Variants in SLC9A4 observed in about 807,000 individuals in gnomAD.
SLC9A4 encodes sodium/hydrogen exchanger 4.
SLC9A4 carries 63 observed loss-of-function variants against 67.4 expected under a neutral mutation model. That is an observed-to-expected ratio of 0.93 (90% CI 0.76 to 1.15). The LOEUF (loss-of-function observed/expected upper bound fraction) is 1.15, where lower values mean the gene tolerates loss of function less well. Among genes scored for constraint, SLC9A4 ranks in the 50% most tolerant of loss-of-function variants. The pLI is 0.00. For missense variants in SLC9A4, 1,089 were observed against 987.7 expected, an observed-to-expected ratio of 1.10 and a Z score of -1.38; for synonymous variants, 393 against 367.2, an observed-to-expected ratio of 1.07 and a Z score of -0.80.
intron 1 of SLC9A4, among the ~76,000 whole-genome samples, chr2:102,475,604 T>A (rs1361598153): frequency 6.6e-6 from 1 of 152,238 alleles, no homozygotes; most frequent in African/African-American, 2.4e-5. Flanking sequence ...TTGGTTTAAA[T>A]GTTCTTGATT....
intron 9 of SLC9A4, among the ~76,000 whole-genome samples, chr2:102,520,183 G>A (rs909406297): frequency 2.0e-5 from 3 of 152,250 alleles, no homozygotes; most frequent in South Asian, 2.1e-4. Context: ...TCTAGTTACC[G>A]TCTCTAGGGG....
At chr2:102,525,721 G>A (rs1434279740) in intron 10 of SLC9A4, among the ~76,000 whole-genome samples, 2 of 152,038 alleles carry the variant, frequency 1.3e-5, no homozygotes, top group Non-Finnish European at 2.9e-5. Flanking sequence ...CCTCAGTGGG[G>A]ATACGAGAGT....
At chr2:102,486,440 GA>G (rs1416807443) in intron 2 of SLC9A4, among the ~76,000 whole-genome samples, 13 of 152,196 alleles carry the variant, frequency 8.5e-5, no homozygotes, top group Admixed American at 3.3e-4. Flanking sequence ...CTGTCTATCT[GA>G]ACGTTGCAGT....
chr2:102,532,485 A>C lies in SLC9A4; in HGVS notation c.2194A>C (p.Ser732Arg). Reference protein sequence around the residue: ...AFSFGYQRNTSQEEYLGGVRR... With the variant: ...AFSFGYQRNTRQEEYLGGVRR... ...CAGCTTTGGTTATCAAAGAAACACA[A>C]GCCAAGAAGAGTACTTGGGTGGAGT... Residue 732 changes from serine to arginine, a missense_variant, in exon 12 of 12, where the codon AGC (serine) becomes CGC (arginine). Coordinates refer to ENST00000295269, the MANE Select transcript of SLC9A4 (RefSeq NM_001011552.4). The C allele has an allele frequency of 1.2e-6, 2 of 1,614,200 alleles. No homozygotes were observed. Among genetic ancestry groups the C allele is most frequent in the South Asian group, 2.2e-5 (2 of 91,082 alleles).
chr2:102,489,306 G>A (rs1401193329), intron 2 of SLC9A4, among the ~76,000 whole-genome samples: 2 of 152,174 alleles, frequency 1.3e-5, no homozygotes, highest in Non-Finnish European at 2.9e-5. Context: ...GTTGGTGGAG[G>A]TGGATGATAG....
At chr2:102,505,001 T>TTACG (rs1558666662) in intron 3 of SLC9A4, among the ~76,000 whole-genome samples, 2 of 152,206 alleles carry the variant, frequency 1.3e-5, no homozygotes, top group African/African-American at 4.8e-5. Context: ...CCCATGCGAA[T>TTACG]TACGTGTCCT....
rs1210035846 is a variant in SLC9A4 at position 102,479,192 on chromosome 2, T to G, written c.610T>G (p.Ser204Ala). The G allele has an allele frequency of 1.2e-6, 2 of 1,614,054 alleles. No individual in the cohort carries two copies. The highest frequency in any genetic ancestry group is 2.7e-5 in the African/African-American group (2 of 74,940). The stretch of plus-strand genomic sequence containing the variant: ...GAACCTGCTGTTCGGCAGCCTGATC[T>G]CCGCCGTGGACCCAGTGGCCGTGCT... The part of the protein sequence containing the change: ...LQNLLFGSLI[S>A]AVDPVAVLAV... The change falls in exon 2 of 12, where the codon TCC becomes GCC. Residue 204 changes from serine to alanine, a missense_variant. Ser to Ala is a moderately conservative substitution (Grantham distance 99). Transcript: ENST00000295269.
intron 10 of SLC9A4, among the ~76,000 whole-genome samples, chr2:102,525,412 G>T (rs545442661): frequency 6.6e-5 from 10 of 151,706 alleles, no homozygotes; most frequent in Non-Finnish European, 1.5e-4. Flanking sequence ...CACACTTGGT[G>T]TGCTATGAGT....
At position 102,525,030 on chromosome 2, in the gene SLC9A4, T is replaced by C; in HGVS notation, c.1825T>C (p.Ser609Pro). Reference sequence around the variant, plus strand: ...CATTCCATTTTCTCTGCAGACCCTGTCCTACAACAAATACAACCTCAAACC... The same window carrying C: ...CATTCCATTTTCTCTGCAGACCCTGCCCTACAACAAATACAACCTCAAACC... ...NMYQVRQRTLSYNKYNLKPQT... is the reference protein window; with the variant it reads ...NMYQVRQRTLPYNKYNLKPQT... Residue 609 changes from serine (S) to proline (P), a missense_variant, in exon 10 of 12, where the codon TCC becomes CCC. Ser to Pro is a moderately conservative substitution (Grantham distance 74). Coordinates refer to ENST00000295269, the MANE Select transcript of SLC9A4 (RefSeq NM_001011552.4). 1 of 1,614,008 alleles carries C rather than the reference T, an allele frequency of 6.2e-7. No individual in the cohort carries two copies. Among genetic ancestry groups the C allele is most frequent in the Non-Finnish European group, 8.5e-7 (1 of 1,179,936 alleles).
chr2:102,531,630 A>T (rs1674780702), intron 11 of SLC9A4, among the ~76,000 whole-genome samples: 1 of 152,228 alleles, frequency 6.6e-6, no homozygotes, highest in South Asian at 2.1e-4. Flanking sequence ...TTTACCTGTG[A>T]GATTCATAAC....
rs1424356394 is a variant in SLC9A4 at position 102,483,835 on chromosome 2, T to TAC, written c.720+4534_720+4535insCA. On this transcript the variant is annotated intron_variant, in intron 2 of 11. Transcript: ENST00000295269. ...ATATATATATATATATATATATATATATATATACACACACACAATATACAC... is the reference window on the plus strand; with the variant it reads ...ATATATATATATATATATATATATATACATATATACACACACACAATATACAC... Among the ~76,000 whole-genome samples the TAC allele has an allele frequency of 8.7e-3, 661 of 75,666 alleles. 2 individuals carry two copies. Among genetic ancestry groups the TAC allele is most frequent in the African/African-American group, 0.013 (255 of 19,380 alleles). 49.6% of individuals were successfully genotyped at this position (75,666 alleles called of 152,430 possible).
At chr2:102,474,558 A>G (rs990211689) in intron 1 of SLC9A4, among the ~76,000 whole-genome samples, 3 of 152,178 alleles carry the variant, frequency 2.0e-5, no homozygotes, top group Non-Finnish European at 2.9e-5. Flanking sequence ...ATATAAGATT[A>G]TATCTGTCAG....
chr2:102,514,188 A>G lies in SLC9A4; in HGVS notation c.1658A>G (p.Lys553Arg), dbSNP rs1187335823. The G allele has an allele frequency of 1.2e-6, 2 of 1,614,134 alleles. No individual in the cohort carries two copies. Among genetic ancestry groups the G allele is most frequent in the Non-Finnish European group, 8.5e-7 (1 of 1,180,012 alleles). ...TCTTTGTACAAGAAGCTGGAAATGA[A>G]GCAAGCCATCGAGATGGTGGAGACT... ...IVSLYKKLEM[K>R]QAIEMVETGI... is the part of the protein sequence containing the mutation. The change falls in exon 8 of 12, where the codon AAG becomes AGG. Residue 553 changes from lysine to arginine, a missense_variant. Lys to Arg is a conservative substitution (Grantham distance 26). Transcript: ENST00000295269.
intron 2 of SLC9A4, among the ~76,000 whole-genome samples, chr2:102,481,249 T>C (rs992880443): frequency 6.6e-6 from 1 of 152,230 alleles, no homozygotes; most frequent in African/African-American, 2.4e-5. Context: ...CCAGAAAGCC[T>C]TTATCAGCTT....
At chr2:102,519,580 G>T (rs1262731938) in intron 8 of SLC9A4, among the ~76,000 whole-genome samples, 1 of 151,922 alleles carries the variant, frequency 6.6e-6, no homozygotes. Flanking sequence ...AGATTTGGAG[G>T]AAAAAAATAA....
chr2:102,483,715 C>G (rs1212437566), intron 2 of SLC9A4, among the ~76,000 whole-genome samples: 1 of 150,942 alleles, frequency 6.6e-6, no homozygotes, highest in African/African-American at 2.4e-5. Flanking sequence ...GTGTCCTCAC[C>G]CGCCACTATA....
intron 2 of SLC9A4, among the ~76,000 whole-genome samples, chr2:102,500,809 A>T (rs6728288): frequency 0.71 from 107,392 of 151,682 alleles, 38,729 homozygotes; most frequent in Middle Eastern, 0.77. Flanking sequence ...AACGTGAGGC[A>T]TTCTTTAGAA....
intron 4 of SLC9A4, among the ~76,000 whole-genome samples, chr2:102,507,857 C>A (rs1685080555): frequency 6.6e-6 from 1 of 152,120 alleles, no homozygotes; most frequent in Non-Finnish European, 1.5e-5. Flanking sequence ...ACAACACATG[C>A]CAATAAACTG....
rs1684985024 is a variant in SLC9A4, at chr2:102,503,456, C to T, written c.729C>T (p.Tyr243=). ...CTCTCTTTTTTGCCTAGGTCTTATA[C>T]AATATGTTAATTGCCTTTACAAAGA... ...LLNDGITVVL[Y]NMLIAFTKMH... The change falls in exon 3 of 12, where the codon TAC becomes TAT. Residue 243 remains tyrosine (Y), a synonymous_variant. Coordinates refer to ENST00000295269, the MANE Select transcript of SLC9A4 (RefSeq NM_001011552.4). 2.5e-6 allele frequency: 4 copies of T among 1,607,722 alleles called. No homozygotes were observed. The highest frequency in any genetic ancestry group is 3.4e-6 in the Non-Finnish European group (4 of 1,175,684).
Sources: allele counts gnomAD v4.1 joint callset (sites outside exome capture counted in the v4.1 genomes callset), GRCh38; gene constraint gnomAD v4.1.1; transcripts MANE v1.5; gene names NCBI Gene and HGNC (gene_info 2026-07-23, HGNC 2026-07-21).